Variants in NCOA1 observed in about 807,000 individuals in gnomAD.
NCOA1 encodes the protein nuclear receptor coactivator 1, also known as Hin-2 protein.
A neutral mutation model predicts 150.9 loss-of-function variants in NCOA1; 35 were observed. That is an observed-to-expected ratio of 0.23 (90% CI 0.18 to 0.31). The LOEUF is 0.31. Ranked by LOEUF, NCOA1 falls within the 10% of genes least tolerant of loss-of-function variation. The pLI is 1.00. For synonymous variants in NCOA1, 590 were observed against 630.0 expected (o/e 0.94, Z 0.95); for missense variants, 1,491 against 1,749.3 (o/e 0.85, Z 2.63).
chr2:24,509,729 A>T (rs986253892), intron 1 of NCOA1, among the ~76,000 whole-genome samples: 2 of 152,236 alleles, frequency 1.3e-5, no homozygotes, highest in Non-Finnish European at 2.9e-5. Context: ...CATTTGCCAT[A>T]TATGTAGGCT....
At chr2:24,758,464 G>T (rs1664611081) in intron 21 of NCOA1, among the ~76,000 whole-genome samples, 1 of 151,148 alleles carries the variant, frequency 6.6e-6, no homozygotes, top group South Asian at 2.1e-4. Flanking sequence ...CTAAGTAGCT[G>T]GGACTGCAAG....
At chr2:24,624,771 G>A (rs964899021) in intron 3 of NCOA1, among the ~76,000 whole-genome samples, 5 of 152,142 alleles carry the variant, frequency 3.3e-5, no homozygotes, top group African/African-American at 1.2e-4. Context: ...ATATTTTCCA[G>A]GAAGTAAAAA....
chr2:24,592,471 T>C (rs1667694996), intron 3 of NCOA1, among the ~76,000 whole-genome samples: 1 of 152,108 alleles, frequency 6.6e-6, no homozygotes, highest in Non-Finnish European at 1.5e-5. Flanking sequence ...AGAGAAGTTA[T>C]CATCTTGAAG....
chr2:24,764,267 C>G (rs1249171912), intron 22 of NCOA1, among the ~76,000 whole-genome samples: 3 of 152,226 alleles, frequency 2.0e-5, no homozygotes, highest in Admixed American at 2.0e-4. Context: ...AGAGTCCACA[C>G]TGTTCCTGCC....
intron 3 of NCOA1, among the ~76,000 whole-genome samples, chr2:24,608,704 G>GTTTTTTTTTTTTTTTTTTTTTTTTTTGT (rs56710627): frequency 8.5e-6 from 1 of 117,334 alleles, no homozygotes; most frequent in African/African-American, 3.3e-5. Flanking sequence ...TTGTTGTTGT[G>GTTTTTTTTTTTTTTTTTTTTTTTTTTGT]TTTTTTTTTT....
chr2:24,587,896 A>C (rs541515599), intron 3 of NCOA1, among the ~76,000 whole-genome samples: 2 of 152,308 alleles, frequency 1.3e-5, no homozygotes, highest in Non-Finnish European at 2.9e-5. Flanking sequence ...GCACATAAAC[A>C]CCTTAAATTC....
intron 3 of NCOA1, among the ~76,000 whole-genome samples, chr2:24,594,972 GA>G (rs1275050156): frequency 6.6e-6 from 1 of 151,924 alleles, no homozygotes; most frequent in Non-Finnish European, 1.5e-5. Context: ...TCTCATTGAA[GA>G]AAATTAAATG....
intron 20 of NCOA1, among the ~76,000 whole-genome samples, chr2:24,756,146 C>T (rs543426827): frequency 2.0e-5 from 3 of 151,510 alleles, no homozygotes; most frequent in South Asian, 4.2e-4. Context: ...CCTAGCTACT[C>T]GGGAGGCTGA....
At chr2:24,687,414 A>G (rs1282298200) in intron 8 of NCOA1, among the ~76,000 whole-genome samples, 1 of 151,866 alleles carries the variant, frequency 6.6e-6, no homozygotes, top group Non-Finnish European at 1.5e-5. Flanking sequence ...GGTTTGTTAT[A>G]TAGGTAAACT....
intron 1 of NCOA1, among the ~76,000 whole-genome samples, chr2:24,548,910 G>C (rs1665716677): frequency 6.6e-6 from 1 of 152,130 alleles, no homozygotes; most frequent in Admixed American, 6.5e-5. Context: ...AACTTTTCCA[G>C]GTGCATGGTG....
chr2:24,492,044 C>A (rs931497733), intron 1 of NCOA1: 5 of 152,022 alleles, frequency 3.3e-5, no homozygotes, highest in Admixed American at 1.3e-4. Flanking sequence ...CTTGGCCGGC[C>A]CGCTCACCTC....
chr2:24,556,626 A>G (rs1666084737), intron 1 of NCOA1, among the ~76,000 whole-genome samples: 1 of 152,220 alleles, frequency 6.6e-6, no homozygotes, highest in Non-Finnish European at 1.5e-5. Context: ...CGTATGGAAA[A>G]AAGCTCAACA....
rs1044557821 is a variant in NCOA1 at position 24,494,377 on chromosome 2, G to A, written c.-396+2775G>A. ...TACTTTAGTTTGTCTTTTTTGCTGCGTCTCCCAAGGACTCCACATTGTTTG... is the reference window on the plus strand; with the variant it reads ...TACTTTAGTTTGTCTTTTTTGCTGCATCTCCCAAGGACTCCACATTGTTTG... On this transcript the variant is annotated intron_variant, in intron 1 of 22. Transcript: ENST00000348332. Among the ~76,000 whole-genome samples, 8 of 151,862 alleles carry A rather than the reference G, an allele frequency of 5.3e-5. No individual in the cohort carries two copies. In the South Asian group the frequency reaches 1.5e-3, roughly 28 times the overall value.
chr2:24,751,622 A>G (rs1664247080), intron 19 of NCOA1, among the ~76,000 whole-genome samples: 1 of 152,142 alleles, frequency 6.6e-6, no homozygotes, highest in South Asian at 2.1e-4. Flanking sequence ...TACACAAGTA[A>G]TTCATCATGT....
intron 3 of NCOA1, among the ~76,000 whole-genome samples, chr2:24,588,361 C>G (rs891849349): frequency 6.6e-6 from 1 of 152,204 alleles, no homozygotes; most frequent in Admixed American, 6.5e-5. Context: ...CAACCGTGAG[C>G]TACTGTTCCT....
intron 6 of NCOA1, among the ~76,000 whole-genome samples, chr2:24,667,193 G>A (rs565632630): frequency 7.9e-4 from 121 of 152,264 alleles, no homozygotes; most frequent in African/African-American, 2.8e-3. Flanking sequence ...AGGAGAAACC[G>A]TACTGTAAAA....
At chr2:24,751,935 A>G (rs1298824875) in intron 19 of NCOA1, 47 bp from the exon 20 acceptor site, 1 of 1,517,932 alleles carries the variant, frequency 6.6e-7, no homozygotes, top group Non-Finnish European at 8.9e-7. Context: ...TATGGGGTTA[A>G]TAAATTTATA....
At chr2:24,613,513 T>C (rs1668733548) in intron 3 of NCOA1, among the ~76,000 whole-genome samples, 1 of 152,206 alleles carries the variant, frequency 6.6e-6, no homozygotes, top group Non-Finnish European at 1.5e-5. Context: ...GTCCTAGGCA[T>C]GGAGCTGGCA....
chr2:24,625,881 C>A (rs1161546043), intron 3 of NCOA1, among the ~76,000 whole-genome samples: 1 of 152,098 alleles, frequency 6.6e-6, no homozygotes, highest in African/African-American at 2.4e-5. Flanking sequence ...ACAGCACACT[C>A]TGAGAAGTTT....
Sources: allele counts gnomAD v4.1 joint callset (sites outside exome capture counted in the v4.1 genomes callset), GRCh38; gene constraint gnomAD v4.1.1; transcripts MANE v1.5; gene names NCBI Gene and HGNC (gene_info 2026-07-23, HGNC 2026-07-21).